The following WHRN variants were observed in gnomAD, a reference collection of about 807,000 sequenced individuals.
The protein encoded by WHRN is CASK-interacting protein CIP98.
In WHRN, 41 loss-of-function variants were observed where a neutral mutation model predicts 68.3. The ratio of observed to expected loss-of-function variants is 0.60; its 90% confidence interval spans 0.47 to 0.78. The LOEUF is 0.78. WHRN is among the 30% of genes least tolerant of loss of function. WHRN has a pLI of 0.00. For missense variants in WHRN, 1,243 were observed against 1,244.7 expected, an observed-to-expected ratio of 1.00 and a Z score of 0.02; for synonymous variants, 560 against 561.3, an observed-to-expected ratio of 1.00 and a Z score of 0.03.
chr9:114,419,956 G>T (rs764938530), intron 7 of WHRN, among the ~76,000 whole-genome samples: 2 of 152,158 alleles, frequency 1.3e-5, no homozygotes, highest in African/African-American at 4.8e-5. Context: ...ACATACGGGG[G>T]TGGCAGAAAA....
At chr9:114,444,294 C>T (rs368034718) in intron 3 of WHRN, among the ~76,000 whole-genome samples, 89 of 152,226 alleles carry the variant, frequency 5.8e-4, no homozygotes, top group African/African-American at 2.1e-3. Context: ...AACCAAATAA[C>T]CATGGTTATA....
intron 1 of WHRN, among the ~76,000 whole-genome samples, chr9:114,480,771 T>C (rs1187032317): frequency 2.6e-5 from 4 of 152,268 alleles, no homozygotes; most frequent in Middle Eastern, 3.4e-3. Flanking sequence ...CATGGAAATG[T>C]GATATATTTT....
At chr9:114,486,959 GTATATATATATATATA>G (rs869241280) in intron 1 of WHRN, among the ~76,000 whole-genome samples, 5 of 5,036 alleles carry the variant, frequency 9.9e-4, no homozygotes, top group African/African-American at 1.2e-3. Flanking sequence ...GTGTGTGTGT[GTATATATATATATATA>G]TATATATATA....
At chr9:114,462,633 T>C (rs4978591) in intron 3 of WHRN, among the ~76,000 whole-genome samples, 113,430 of 151,988 alleles carry the variant, frequency 0.75, 42,534 homozygotes, top group East Asian at 0.97. Flanking sequence ...AGCTGTAAAC[T>C]GAGGACTGAC....
chr9:114,443,473 G>A lies in WHRN; in HGVS notation c.964-17060C>T, dbSNP rs140046258. Among the ~76,000 whole-genome samples, 467 of 152,116 alleles carry A rather than the reference G, an allele frequency of 3.1e-3. 2 individuals are homozygous for A. The highest frequency in any genetic ancestry group is 0.01 in the African/African-American group (420 of 41,494). On this transcript the variant is annotated intron_variant, in intron 3 of 11. Transcript: ENST00000362057. ...CTCCATCTTCAAAGCCAGCAACCTC[G>A]CACCAACAAGGCCTTCTTATACAGC...
At chr9:114,480,084 T>TAA (rs113073044) in intron 1 of WHRN, among the ~76,000 whole-genome samples, 17 of 151,298 alleles carry the variant, frequency 1.1e-4, no homozygotes, top group African/African-American at 3.9e-4. Flanking sequence ...AATAATTAAT[T>TAA]AAAAAAAAAG....
intron 7 of WHRN, among the ~76,000 whole-genome samples, chr9:114,410,244 ACTGT>A (rs1166817822): frequency 1.3e-5 from 2 of 152,154 alleles, no homozygotes; most frequent in African/African-American, 2.4e-5. Flanking sequence ...CTCTTTGCAT[ACTGT>A]CTGTCTCTCT....
At chr9:114,403,465 T>C (rs1834813748) in intron 10 of WHRN, 126 bp from the exon 11 acceptor site, 1 of 1,292,022 alleles carries the variant, frequency 7.7e-7, no homozygotes, top group African/African-American at 1.5e-5. Context: ...GTCGGGAGCC[T>C]CAGGTGTGCA....
At chr9:114,406,157 G>A (rs1004446640) in intron 9 of WHRN, among the ~76,000 whole-genome samples, 198 bp downstream of exon 9, 3 of 152,038 alleles carry the variant, frequency 2.0e-5, no homozygotes, top group African/African-American at 4.8e-5. Context: ...AGGTGTAGAC[G>A]GCAGCTTGTC....
At position 114,406,482 on chromosome 9, in the gene WHRN, A is replaced by T. The variant is rs1835036624; in HGVS notation, c.2109T>A (p.Leu703=). The T allele has an allele frequency of 5.0e-6, 8 of 1,614,058 alleles. No homozygotes were observed. The highest frequency in any genetic ancestry group is 5.9e-6 in the Non-Finnish European group (7 of 1,180,028). The change falls in exon 9 of 12, where the codon CTT becomes CTA. Residue 703 remains leucine (L), a synonymous_variant. Transcript: ENST00000362057. ...SAEATVAGGC[L]LPPSPSGHPD... is the part of the protein sequence containing the mutation. ...GGTGGCCAGAGGGTGATGGGGGCAG[A>T]AGGCAGCCCCCAGCCACTGTGGCCT...
chr9:114,455,931 G>C (rs1002829914), intron 3 of WHRN, among the ~76,000 whole-genome samples: 2 of 151,898 alleles, frequency 1.3e-5, no homozygotes, highest in Admixed American at 1.3e-4. Flanking sequence ...TCTACAGTTG[G>C]GCAAAATCAT....
chr9:114,410,461 G>T (rs570561078), intron 7 of WHRN, among the ~76,000 whole-genome samples: 1 of 152,326 alleles, frequency 6.6e-6, no homozygotes, highest in African/African-American at 2.4e-5. Flanking sequence ...GAGTTGAGGG[G>T]GGTGGTGCTG....
intron 3 of WHRN, among the ~76,000 whole-genome samples, chr9:114,457,653 C>T (rs1366137701): frequency 6.6e-6 from 1 of 152,062 alleles, no homozygotes; most frequent in Admixed American, 6.5e-5. Flanking sequence ...CGGGGGCTCA[C>T]GCCTGTAATC....
chr9:114,478,580 G>A lies in WHRN; in HGVS notation c.810C>T (p.His270=), dbSNP rs1237920987. Residue 270 remains histidine, a synonymous_variant, in exon 2 of 12, where the codon CAC becomes CAT. Transcript: ENST00000362057. The part of the protein sequence containing the change: ...QQEGDRRSTL[H]LLQGGDEKKV... The stretch of plus-strand genomic sequence containing the variant: ...TTTTCTCATCCCCTCCTTGCAGGAG[G>A]TGCAGGGTGCTCCTCCGGTCACCCT... The A allele has an allele frequency of 3.7e-6, 6 of 1,613,966 alleles. No individual in the cohort carries two copies. In the African/African-American group the frequency reaches 8.0e-5, roughly 22 times the overall value.
rs547485407 is a variant in WHRN at position 114,423,711 on chromosome 9, C to T, written c.1417-188G>A. Reference sequence around the variant, plus strand: ...CTGGACACCAGGCCCAGCATCATCTCACTCCTGCTTCCCTGTCATCTCCTC... The same window carrying T: ...CTGGACACCAGGCCCAGCATCATCTTACTCCTGCTTCCCTGTCATCTCCTC... On this transcript the variant is annotated intron_variant, in intron 6 of 11. Transcript: ENST00000362057. 1.1e-4 allele frequency among the ~76,000 whole-genome samples: 16 copies of T among 152,306 alleles called. No individual in the cohort carries two copies. In the East Asian group the frequency reaches 2.9e-3, roughly 28 times the overall value.
At chr9:114,409,050 T>C (rs901707067) in intron 7 of WHRN, among the ~76,000 whole-genome samples, 2 of 152,232 alleles carry the variant, frequency 1.3e-5, no homozygotes, top group African/African-American at 2.4e-5. Flanking sequence ...GACTTGCAGA[T>C]GGCAGATCAG....
chr9:114,489,463 T>C (rs79096547), intron 1 of WHRN, among the ~76,000 whole-genome samples: 4 of 149,964 alleles, frequency 2.7e-5, no homozygotes, highest in East Asian at 2.0e-4. Flanking sequence ...CACACACACA[T>C]ACACACACAC....
At chr9:114,429,612 C>T (rs530983311) in intron 3 of WHRN, among the ~76,000 whole-genome samples, 5 of 152,350 alleles carry the variant, frequency 3.3e-5, no homozygotes, top group East Asian at 1.9e-4. Flanking sequence ...CTGAGAACTT[C>T]GGCAGCCCTG....
Position 114,435,310 on chromosome 9 carries a change from G to A in WHRN, c.964-8897C>T, listed in dbSNP as rs77673294. Among the ~76,000 whole-genome samples, 223 of 152,306 alleles carry A rather than the reference G, an allele frequency of 1.5e-3. 1 individual carries two copies. Among genetic ancestry groups the A allele is most frequent in the Non-Finnish European group, 2.6e-3 (174 of 68,028 alleles). On this transcript the variant is annotated intron_variant, in intron 3 of 11. Transcript: ENST00000362057. ...AACAATTAAATAAATGGATGAGCAG[G>A]CATACAAACAAGCTAGTCCCCTCCC...
Sources: gnomAD v4.1 joint callset for allele counts (sites outside exome capture counted in the v4.1 genomes callset) on GRCh38, gnomAD v4.1.1 for gene constraint, MANE v1.5 for transcripts, NCBI Gene and HGNC (gene_info 2026-07-23, HGNC 2026-07-21) for gene names.